Variants in CXADR observed in about 807,000 individuals in gnomAD.
The protein encoded by CXADR is coxsackievirus and adenovirus receptor.
A neutral mutation model predicts 40.3 loss-of-function variants in CXADR; 20 were observed. The observed-to-expected ratio is 0.50, with a 90% CI of 0.35 to 0.72. CXADR has a LOEUF of 0.72. Ranked by LOEUF, CXADR falls within the 30% of genes least tolerant of loss-of-function variation. The pLI is 0.01. For synonymous variants in CXADR, 150 were observed against 161.3 expected (o/e 0.93, Z 0.53); for missense variants, 332 against 449.1 (o/e 0.74, Z 2.36).
the CXADR span, among the ~76,000 whole-genome samples, chr21:17,623,548 G>C: frequency 6.6e-6 from 1 of 152,178 alleles, no homozygotes; most frequent in South Asian, 2.1e-4. Context: ...GCCTGTGTGA[G>C]AGGACTCCCT....
the CXADR span, among the ~76,000 whole-genome samples, chr21:17,620,781 T>C: frequency 6.6e-6 from 1 of 151,712 alleles, no homozygotes; most frequent in Non-Finnish European, 1.5e-5. Context: ...TCAGAACCAA[T>C]AGGAGGCACA....
intron 3 of CXADR, among the ~76,000 whole-genome samples, chr21:17,557,014 A>T (rs769120210): frequency 1.3e-5 from 2 of 152,248 alleles, no homozygotes; most frequent in Non-Finnish European, 2.9e-5. Context: ...CAGTGTTCAC[A>T]TGAGTGTTCA....
the CXADR span, among the ~76,000 whole-genome samples, chr21:17,614,498 T>G: frequency 1.3e-5 from 2 of 152,152 alleles, no homozygotes; most frequent in African/African-American, 4.8e-5. Context: ...AATCCAGTAC[T>G]TTGGGAGGTC....
chr21:17,635,094 T>C, the CXADR span, among the ~76,000 whole-genome samples: 1 of 152,238 alleles, frequency 6.6e-6, no homozygotes, highest in South Asian at 2.1e-4. Context: ...TAATGAAATA[T>C]TAATAGAAAG....
chr21:17,515,374 GGAGGTCTAAGCTCAT>G (rs1221458956), intron 1 of CXADR, among the ~76,000 whole-genome samples: 3 of 152,134 alleles, frequency 2.0e-5, no homozygotes, highest in Admixed American at 1.3e-4. Context: ...CCGGAGCCTG[GGAGGTCTAAGCTCAT>G]GAGGTCTAAG....
At chr21:17,553,295 C>T (rs903031117) in intron 3 of CXADR, among the ~76,000 whole-genome samples, 4 of 152,172 alleles carry the variant, frequency 2.6e-5, no homozygotes, top group African/African-American at 7.2e-5. Flanking sequence ...ACTATTACTC[C>T]TAGAGACTAG....
intron 7 of CXADR, among the ~76,000 whole-genome samples, chr21:17,591,829 TAG>T (rs750841535): frequency 1.3e-5 from 2 of 151,920 alleles, no homozygotes; most frequent in Non-Finnish European, 2.9e-5. Flanking sequence ...ACAAAGCACC[TAG>T]AGTCATAATT....
chr21:17,517,814 G>A (rs2060479710), intron 1 of CXADR, among the ~76,000 whole-genome samples: 2 of 152,128 alleles, frequency 1.3e-5, no homozygotes, highest in Admixed American at 6.6e-5. Context: ...ACCAAAAGCT[G>A]ACCAGGCCAT....
chr21:17,629,025 TCCTATGGCCAGTCAAG>T, the CXADR span, among the ~76,000 whole-genome samples: 4 of 152,102 alleles, frequency 2.6e-5, no homozygotes, highest in Non-Finnish European at 2.9e-5. Context: ...TAGTTGGGCA[TCCTATGGCCAGTCAAG>T]TTGACATATA....
intron 1 of CXADR, among the ~76,000 whole-genome samples, chr21:17,516,440 T>C (rs1034741273): frequency 6.6e-6 from 1 of 152,238 alleles, no homozygotes; most frequent in African/African-American, 2.4e-5. Flanking sequence ...CTTTGAGGCA[T>C]TGTGAGGACA....
chr21:17,551,977 A>C, intron 3 of CXADR, 24 bp downstream of exon 3: 1 of 1,553,130 alleles, frequency 6.4e-7, no homozygotes, highest in East Asian at 2.2e-5. Context: ...ATTTGTGTTA[A>C]CGGGTTACTG....
intron 3 of CXADR, among the ~76,000 whole-genome samples, chr21:17,554,365 T>C (rs2061008086): frequency 6.6e-6 from 1 of 152,136 alleles, no homozygotes; most frequent in South Asian, 2.1e-4. Flanking sequence ...AATGGCCTTT[T>C]TATATTAAAC....
intron 1 of CXADR, among the ~76,000 whole-genome samples, chr21:17,529,634 A>G (rs1312172582): frequency 1.3e-5 from 2 of 152,088 alleles, no homozygotes; most frequent in African/African-American, 4.8e-5. Context: ...TTTTTGAATT[A>G]AGTACATTAA....
chr21:17,565,871 G>C lies in CXADR; in HGVS notation c.*179G>C. 7.9e-7 allele frequency: 1 copy of C among 1,271,470 alleles called. No homozygotes were observed. Among genetic ancestry groups the C allele is most frequent in the Non-Finnish European group, 9.9e-7 (1 of 1,006,396 alleles). The allele number at this position is 1,271,470 out of a possible 1,614,324, so 78.8% of individuals were successfully genotyped here. On this transcript the variant is annotated 3_prime_UTR_variant, in exon 7 of 7. Coordinates refer to ENST00000284878, the MANE Select transcript of CXADR (RefSeq NM_001338.5). Reference sequence around the variant, plus strand: ...TTTGGTTATATCGAAATAGTTACAGGCACTAAAGTTAGTAAAGAAAAGTTT... The same window carrying C: ...TTTGGTTATATCGAAATAGTTACAGCCACTAAAGTTAGTAAAGAAAAGTTT...
Position 17,567,747 on chromosome 21 carries a change from A to G in CXADR, c.*2055A>G, listed in dbSNP as rs2061229479. ...TATAAAAAATAAGTAAATAAACAGA[A>G]CATTAATAATAAAGTTTTGGTTCTT... On this transcript the variant is annotated 3_prime_UTR_variant, in exon 7 of 7. Coordinates refer to ENST00000284878, the MANE Select transcript of CXADR (RefSeq NM_001338.5). 3 of 841,024 alleles carry G rather than the reference A, an allele frequency of 3.6e-6. No homozygotes were observed. Among genetic ancestry groups the G allele is most frequent in the South Asian group, 1.1e-4 (2 of 18,280 alleles). 52.1% of individuals were successfully genotyped at this position (841,024 alleles called of 1,614,324 possible). A position where few individuals can be genotyped will look rare whatever the true frequency, so the allele number is the denominator to read the frequency against.
At chr21:17,528,495 TC>T (rs771043950) in intron 1 of CXADR, among the ~76,000 whole-genome samples, 14 of 151,612 alleles carry the variant, frequency 9.2e-5, no homozygotes, top group Non-Finnish European at 1.9e-4. Context: ...AACCTCCACC[TC>T]CCGGGTTCAA....
intron 7 of CXADR, among the ~76,000 whole-genome samples, chr21:17,585,351 T>A (rs2061387340): frequency 6.6e-6 from 1 of 152,042 alleles, no homozygotes; most frequent in Non-Finnish European, 1.5e-5. Flanking sequence ...AAAAAAACAA[T>A]GGCGTAAGAA....
At chr21:17,591,656 T>C (rs1407129726) in intron 7 of CXADR, among the ~76,000 whole-genome samples, 2 of 152,048 alleles carry the variant, frequency 1.3e-5, no homozygotes, top group African/African-American at 4.8e-5. Context: ...GCTTTGCAGT[T>C]ATGCCTACAA....
At chr21:17,559,217 C>G in intron 4 of CXADR, 86 bp downstream of exon 4, 1 of 1,391,496 alleles carries the variant, frequency 7.2e-7, no homozygotes. Flanking sequence ...GAGATAGGGC[C>G]TTGCTCTGTC....
Sources: gnomAD v4.1 joint callset for allele counts (sites outside exome capture counted in the v4.1 genomes callset) on GRCh38, gnomAD v4.1.1 for gene constraint, MANE v1.5 for transcripts, NCBI Gene and HGNC (gene_info 2026-07-23, HGNC 2026-07-21) for gene names.